The following MYOF variants were observed in gnomAD, a reference collection of about 807,000 sequenced individuals.
MYOF encodes myoferlin.
A neutral mutation model predicts 284.2 loss-of-function variants in MYOF; 244 were observed. That is an observed-to-expected ratio of 0.86 (90% CI 0.77 to 0.95). The LOEUF is 0.95. MYOF is among the 40% of genes least tolerant of loss of function. MYOF has a pLI of 0.00. For synonymous variants in MYOF, 904 were observed against 919.7 expected (o/e 0.98, Z 0.31); for missense variants, 2,496 against 2,560.6 (o/e 0.97, Z 0.54).
Position 93,337,902 on chromosome 10 carries a change from G to T in MYOF, c.4350C>A (p.Ile1450=), listed in dbSNP as rs1433218315. 6.2e-7 allele frequency: 1 copy of T among 1,613,436 alleles called. No individual in the cohort carries two copies. Among genetic ancestry groups the T allele is most frequent in the South Asian group, 1.1e-5 (1 of 91,046 alleles). ...CATAAAATTTACTCCACCAGTCCAC[G>T]ATTTCTTCCTCCTAAAGACATGCCA... is the stretch of plus-strand genomic sequence containing the variant. ...ASKLTEKEEE[I]VDWWSKFYAS... Residue 1450 remains isoleucine, a synonymous_variant, in exon 40 of 54, where the codon ATC becomes ATA. Transcript: ENST00000359263.
intron 3 of MYOF, among the ~76,000 whole-genome samples, chr10:93,451,434 T>C (rs2056587694): frequency 6.6e-6 from 1 of 152,056 alleles, no homozygotes; most frequent in African/African-American, 2.4e-5. Context: ...CTAGGGTGAA[T>C]TTATTAATAC....
At chr10:93,360,809 G>A (rs1845033545) in intron 28 of MYOF, among the ~76,000 whole-genome samples, 2 of 152,172 alleles carry the variant, frequency 1.3e-5, no homozygotes. Flanking sequence ...TGTTCCCAGG[G>A]AGGTTATGGG....
intron 51 of MYOF, among the ~76,000 whole-genome samples, chr10:93,311,814 T>C (rs1034560084): frequency 4.6e-5 from 7 of 152,134 alleles, no homozygotes; most frequent in African/African-American, 1.7e-4. Context: ...TCCAAGACTG[T>C]TTTTGGAATC....
intron 38 of MYOF, chr10:93,341,893 C>CATTT: frequency 2.3e-6 from 3 of 1,288,154 alleles, no homozygotes; most frequent in Non-Finnish European, 3.0e-6. Flanking sequence ...CAGCCTCATG[C>CATTT]ATTTGCTTAT....
In MYOF at chr10:93,340,152, C is replaced by T; in HGVS notation, c.4338+1G>A. 6.2e-7 allele frequency: 1 copy of T among 1,613,886 alleles called. No homozygotes were observed. On this transcript the variant is annotated splice_donor_variant, in intron 39 of 53. Transcript: ENST00000359263. LOFTEE classifies it high-confidence loss of function. ...TGTAGCAAAATGTATACCATAGTTA[C>T]CTTTTCTGTCAGCTGCTCGTGCACA...
intron 6 of MYOF, 82 bp downstream of exon 6, chr10:93,409,491 T>A (rs1186525252): frequency 6.7e-7 from 1 of 1,483,200 alleles, no homozygotes; most frequent in Non-Finnish European, 9.2e-7. Context: ...TTGGAATAGG[T>A]CCACTGAAAC....
intron 18 of MYOF, among the ~76,000 whole-genome samples, chr10:93,388,484 C>T (rs995762246): frequency 6.6e-6 from 1 of 152,212 alleles, no homozygotes; most frequent in South Asian, 2.1e-4. Flanking sequence ...GGCAATAGAA[C>T]CTTCTGGAAA....
chr10:93,370,267 A>G (rs1199649673), intron 24 of MYOF, among the ~76,000 whole-genome samples: 1 of 152,012 alleles, frequency 6.6e-6, no homozygotes, highest in Non-Finnish European at 1.5e-5. Flanking sequence ...TATGTGCAAA[A>G]ACATAAAAAT....
intron 1 of MYOF, among the ~76,000 whole-genome samples, chr10:93,471,091 A>G (rs1350784302): frequency 6.6e-6 from 1 of 152,184 alleles, no homozygotes; most frequent in East Asian, 1.9e-4. Context: ...CGGAGGTGAA[A>G]TGAAGTGGAC....
intron 3 of MYOF, among the ~76,000 whole-genome samples, chr10:93,436,266 A>T (rs1360894174): frequency 6.6e-6 from 1 of 152,192 alleles, no homozygotes; most frequent in Non-Finnish European, 1.5e-5. Context: ...TGACCCAATC[A>T]GTATCCGCTA....
intron 6 of MYOF, among the ~76,000 whole-genome samples, chr10:93,409,299 C>T (rs10430653): frequency 0.079 from 12,081 of 152,154 alleles, 1,424 homozygotes; most frequent in East Asian, 0.64. Flanking sequence ...ACAGTATTTG[C>T]GCTTCTATTC....
At chr10:93,431,749 T>TTTC (rs1232506238) in intron 3 of MYOF, among the ~76,000 whole-genome samples, 1 of 148,910 alleles carries the variant, frequency 6.7e-6, no homozygotes, top group Non-Finnish European at 1.5e-5. Context: ...TTCTTTTCTT[T>TTTC]TTTTTTTTTT....
At chr10:93,314,898 A>G (rs1031862370) in intron 50 of MYOF, among the ~76,000 whole-genome samples, 2 of 152,026 alleles carry the variant, frequency 1.3e-5, no homozygotes, top group Admixed American at 6.6e-5. Flanking sequence ...AACATACACA[A>G]AATTATCCAG....
Position 93,378,695 on chromosome 10 carries a change from A to ATG in MYOF, c.2001+1167_2001+1168insCA, listed in dbSNP as rs1845968304. ...TGTGTGTGTGTATGTGTGTGTGTGT[A>ATG]TATATATATATATATATATATGTAT... On this transcript the variant is annotated intron_variant, in intron 21 of 53. Coordinates refer to ENST00000359263, the MANE Select transcript of MYOF (RefSeq NM_013451.4). Among the ~76,000 whole-genome samples, 4 of 60,224 alleles carry ATG rather than the reference A, an allele frequency of 6.6e-5. No individual in the cohort carries two copies. In the East Asian group the frequency reaches 7.3e-3, roughly 110 times the overall value. 39.5% of individuals were successfully genotyped at this position (60,224 alleles called of 152,430 possible).
At chr10:93,423,552 A>T (rs1489280773) in intron 5 of MYOF, among the ~76,000 whole-genome samples, 6 of 136,960 alleles carry the variant, frequency 4.4e-5, no homozygotes, top group East Asian at 2.5e-4. Flanking sequence ...AAAAAAAAAA[A>T]GCCGAGTGCA....
Position 93,329,840 on chromosome 10 carries a change from T to C in MYOF, c.4812-6A>G. ...AGCAGCTCAGTTCGTACATCCTAAATAAACAAATGCAAGGTCAGAATCTTC... is the reference window on the plus strand; with the variant it reads ...AGCAGCTCAGTTCGTACATCCTAAACAAACAAATGCAAGGTCAGAATCTTC... On this transcript the variant is annotated splice_region_variant and splice_polypyrimidine_tract_variant and intron_variant, in intron 43 of 53. Transcript: ENST00000359263. 4.3e-6 allele frequency: 7 copies of C among 1,613,792 alleles called. No individual in the cohort carries two copies. Among genetic ancestry groups the C allele is most frequent in the Non-Finnish European group, 5.9e-6 (7 of 1,179,822 alleles).
In MYOF at chr10:93,421,886, G is replaced by A. The variant is rs577753123; in HGVS notation, c.433+4185C>T. ...GACTAAGACACTATGTTAGGGAAAA[G>A]AAATGTTTTCCCTTGAAACATCTAG... On this transcript the variant is annotated intron_variant, in intron 5 of 53. Coordinates refer to ENST00000359263, the MANE Select transcript of MYOF (RefSeq NM_013451.4). Among the ~76,000 whole-genome samples the A allele has an allele frequency of 7.2e-5, 11 of 151,776 alleles. 1 individual carries two copies. In the South Asian group the frequency reaches 2.3e-3, roughly 32 times the overall value.
intron 1 of MYOF, among the ~76,000 whole-genome samples, chr10:93,457,285 T>C (rs2056766768): frequency 6.6e-6 from 1 of 152,198 alleles, no homozygotes; most frequent in Non-Finnish European, 1.5e-5. Flanking sequence ...GATGAGGATA[T>C]TGAGGCTCAA....
intron 3 of MYOF, among the ~76,000 whole-genome samples, chr10:93,445,857 C>G (rs1169921371): frequency 1.3e-5 from 2 of 152,334 alleles, no homozygotes; most frequent in East Asian, 3.9e-4. Flanking sequence ...CCCTTCCGCC[C>G]CAACCCTGCA....
Sources: gnomAD v4.1 joint callset for allele counts (sites outside exome capture counted in the v4.1 genomes callset) on GRCh38, gnomAD v4.1.1 for gene constraint, MANE v1.5 for transcripts, NCBI Gene and HGNC (gene_info 2026-07-23, HGNC 2026-07-21) for gene names.